Variants in SLC22A25 observed in about 807,000 individuals in gnomAD.
SLC22A25 encodes MGI:2442751, MGI:2385316, MGI:3042283, MGI:3645714, MGI:3605624, MGI:2442750.
A neutral mutation model predicts 45.9 loss-of-function variants in SLC22A25; 44 were observed. That is an observed-to-expected ratio of 0.96 (90% CI 0.75 to 1.23). SLC22A25 has a LOEUF of 1.23. Ranked by LOEUF, SLC22A25 falls within the 50% of genes most tolerant of loss-of-function variation. The pLI is 0.00. For synonymous variants in SLC22A25, 283 were observed against 238.6 expected, an observed-to-expected ratio of 1.19 and a Z score of -1.72; for missense variants, 800 against 666.4, an observed-to-expected ratio of 1.20 and a Z score of -2.21.
chr11:63,164,178 G>A (rs2087600512), intron 11 of SLC22A25, 105 bp from the exon 12 acceptor site: 2 of 1,399,916 alleles, frequency 1.4e-6, no homozygotes, highest in Admixed American at 4.7e-5. Context: ...AACACATGGA[G>A]GTGATAACAT....
intron 7 of SLC22A25, among the ~76,000 whole-genome samples, chr11:63,187,933 T>G (rs888131010): frequency 6.6e-6 from 1 of 152,214 alleles, no homozygotes; most frequent in Non-Finnish European, 1.5e-5. Flanking sequence ...GATGTGTTGC[T>G]GGATTTGGTT....
At chr11:63,225,942 T>C (rs2089953398) in intron 5 of SLC22A25, among the ~76,000 whole-genome samples, 1 of 152,252 alleles carries the variant, frequency 6.6e-6, no homozygotes, top group Non-Finnish European at 1.5e-5. Flanking sequence ...TTCTTCCATA[T>C]GTCAATTGCA....
intron 8 of SLC22A25, among the ~76,000 whole-genome samples, chr11:63,181,370 C>G (rs950040132): frequency 2.6e-5 from 4 of 151,452 alleles, no homozygotes; most frequent in Non-Finnish European, 2.9e-5. Context: ...TTAGGTATAT[C>G]TCCTAATGCT....
intron 3 of SLC22A25, among the ~76,000 whole-genome samples, chr11:63,234,920 A>G (rs2134854178): frequency 6.6e-6 from 1 of 152,314 alleles, no homozygotes; most frequent in South Asian, 2.1e-4. Context: ...TGGATATGAA[A>G]TTCTGGGTTG....
chr11:63,242,705 A>T (rs1257729349), intron 1 of SLC22A25, among the ~76,000 whole-genome samples: 1 of 152,120 alleles, frequency 6.6e-6, no homozygotes, highest in Non-Finnish European at 1.5e-5. Context: ...GCATCCTTCA[A>T]TCTGATCAAG....
intron 9 of SLC22A25, 145 bp from the exon 10 acceptor site, chr11:63,166,403 T>C: frequency 6.9e-7 from 1 of 1,445,854 alleles, no homozygotes. Context: ...TGCAAGTTGA[T>C]ATTTTAAAGT....
intron 9 of SLC22A25, among the ~76,000 whole-genome samples, chr11:63,179,326 T>C (rs1161036025): frequency 6.6e-6 from 1 of 152,088 alleles, no homozygotes; most frequent in Non-Finnish European, 1.5e-5. Context: ...CATATTTCTC[T>C]GTTTCTTCGT....
intron 7 of SLC22A25, among the ~76,000 whole-genome samples, chr11:63,201,940 G>A (rs2089257380): frequency 6.6e-6 from 1 of 152,090 alleles, no homozygotes; most frequent in Admixed American, 6.5e-5. Context: ...TCCAACTGAG[G>A]TACCTGGCTC....
chr11:63,168,671 A>G (rs1483227156), intron 9 of SLC22A25, among the ~76,000 whole-genome samples: 1 of 152,212 alleles, frequency 6.6e-6, no homozygotes, highest in African/African-American at 2.4e-5. Flanking sequence ...ACTCTGTGAA[A>G]AGACCAAATC....
At chr11:63,168,346 A>G (rs1178730593) in intron 9 of SLC22A25, among the ~76,000 whole-genome samples, 1 of 152,168 alleles carries the variant, frequency 6.6e-6, no homozygotes, top group African/African-American at 2.4e-5. Context: ...TAGGCTTTAG[A>G]AGGTGGGTAA....
chr11:63,237,473 A>G (rs1353020016), intron 3 of SLC22A25, among the ~76,000 whole-genome samples: 1 of 152,136 alleles, frequency 6.6e-6, no homozygotes, highest in Admixed American at 6.5e-5. Context: ...TTCTGCTGTG[A>G]GATGATACAG....
At chr11:63,164,744 G>T (rs1051286876) in intron 10 of SLC22A25, 110 bp from the exon 11 acceptor site, 3 of 816,732 alleles carry the variant, frequency 3.7e-6, no homozygotes, top group Non-Finnish European at 4.1e-6. Flanking sequence ...GGGGTAAAAT[G>T]TACTGTAGGA....
At chr11:63,205,402 G>A (rs931269753) in intron 7 of SLC22A25, among the ~76,000 whole-genome samples, 2 of 151,938 alleles carry the variant, frequency 1.3e-5, no homozygotes, top group African/African-American at 2.4e-5. Context: ...AAAATAGACC[G>A]CTAGCAGGAC....
chr11:63,235,579 A>G (rs530562873), intron 3 of SLC22A25, among the ~76,000 whole-genome samples: 16 of 152,046 alleles, frequency 1.1e-4, no homozygotes, highest in South Asian at 1.0e-3. Context: ...CTTCTTTGCC[A>G]TTGGTTTAAA....
chr11:63,163,991 A>T lies in SLC22A25; in HGVS notation c.1477T>A (p.Ser493Thr). 6.2e-7 allele frequency: 1 copy of T among 1,613,912 alleles called. No individual in the cohort carries two copies. The highest frequency in any genetic ancestry group is 8.5e-7 in the Non-Finnish European group (1 of 1,179,880). The change falls in exon 12 of 12, where the codon TCT becomes ACT. Residue 493 changes from serine (S) to threonine (T), a missense_variant. By Grantham distance (58) the Ser-to-Thr change is moderately conservative (BLOSUM62 1). Coordinates refer to ENST00000306494, the MANE Select transcript of SLC22A25 (RefSeq NM_199352.6). Reference sequence around the variant, plus strand: ...TAGATGATCCAGGGCAGGGGTCGAGAATATATGCTTAGGATCATCATGAGG... The same window carrying T: ...TAGATGATCCAGGGCAGGGGTCGAGTATATATGCTTAGGATCATCATGAGG... ...ASLMMILSIY[S>T]RPLPWIIYGV...
At chr11:63,224,883 AG>A (rs1412330414) in intron 5 of SLC22A25, among the ~76,000 whole-genome samples, 2 of 152,080 alleles carry the variant, frequency 1.3e-5, no homozygotes, top group African/African-American at 4.8e-5. Context: ...GTGGAACTTG[AG>A]GTCAGGAGAT....
chr11:63,188,901 G>A (rs566458990), intron 7 of SLC22A25, among the ~76,000 whole-genome samples: 3,303 of 152,258 alleles, frequency 0.022, 120 homozygotes, highest in African/African-American at 0.075. Context: ...TTGCACTGTG[G>A]TCTGAGAGAC....
At position 63,228,654 on chromosome 11, in the gene SLC22A25, C is replaced by T. The variant is rs879012374; in HGVS notation, c.403-90G>A. Reference sequence around the variant, plus strand: ...CTTAAAATAGCCTGCAAGTTTCATTCTATCTTCCTCCCTAGCTTCCCTTTT... The same window carrying T: ...CTTAAAATAGCCTGCAAGTTTCATTTTATCTTCCTCCCTAGCTTCCCTTTT... On this transcript the variant is annotated intron_variant, in intron 4 of 11. Transcript: ENST00000306494. 1.5e-5 allele frequency: 14 copies of T among 917,236 alleles called. No individual in the cohort carries two copies. The South Asian group carries it at 2.1e-4, about 14-fold the overall frequency. 56.8% of individuals were successfully genotyped at this position (917,236 alleles called of 1,614,324 possible).
intron 1 of SLC22A25, among the ~76,000 whole-genome samples, chr11:63,242,620 C>G (rs536227893): frequency 6.6e-6 from 1 of 152,208 alleles, no homozygotes; most frequent in African/African-American, 2.4e-5. Flanking sequence ...GGGTCTGCCT[C>G]TCCCAGTCCA....
Sources: gnomAD v4.1 joint callset for allele counts (sites outside exome capture counted in the v4.1 genomes callset) on GRCh38, gnomAD v4.1.1 for gene constraint, MANE v1.5 for transcripts, NCBI Gene and HGNC (gene_info 2026-07-23, HGNC 2026-07-21) for gene names.